SGCD: variants seen among roughly 807,000 people sequenced by gnomAD.
The protein encoded by SGCD is sarcoglycan delta, also known as delta-sarcoglycan.
SGCD carries 18 observed loss-of-function variants against 36.6 expected under a neutral mutation model. The ratio of observed to expected loss-of-function variants is 0.49; its 90% CI spans 0.34 to 0.73. The LOEUF (loss-of-function observed/expected upper bound fraction) is 0.73, where lower values mean the gene tolerates loss of function less well. Ranked by LOEUF, SGCD falls within the 30% of genes least tolerant of loss-of-function variation. The pLI, the probability that SGCD is intolerant of heterozygous loss-of-function variation, is 0.01. For synonymous variants in SGCD, 133 were observed against 130.6 expected (o/e 1.02, Z -0.12); for missense variants, 387 against 346.7 (o/e 1.12, Z -0.92).
chr5:156,557,340 A>G (rs2113225410), intron 4 of SGCD, among the ~76,000 whole-genome samples: 1 of 152,256 alleles, frequency 6.6e-6, no homozygotes. Flanking sequence ...GGATCAGAAA[A>G]TGATTTGATT....
rs557777049 is a variant in SGCD at position 155,995,829 on chromosome 5, A to C, written c.-281-122049A>C. Among the ~76,000 whole-genome samples, 7 of 152,196 alleles carry C rather than the reference A, an allele frequency of 4.6e-5. No homozygotes were observed. In the South Asian group the frequency reaches 1.2e-3, roughly 27 times the overall value. On this transcript the variant is annotated intron_variant, in intron 1 of 9. Coordinates refer to the SGCD transcript ENST00000517913. ...AAAAATGGAATAGAGATGGCCCCCG[A>C]GTGAGGAAAAAGTTGCCTGGAAAAT...
the SGCD span, among the ~76,000 whole-genome samples, chr5:155,739,542 T>A: frequency 2.6e-4 from 40 of 152,242 alleles, no homozygotes; most frequent in African/African-American, 7.0e-4. Flanking sequence ...AAGAAAGCTC[T>A]ATGGCTGTTG....
At chr5:156,383,660 G>T (rs573679431) in intron 3 of SGCD, among the ~76,000 whole-genome samples, 1 of 152,254 alleles carries the variant, frequency 6.6e-6, no homozygotes, top group South Asian at 2.1e-4. Flanking sequence ...AATTTGACTG[G>T]AAACTAAAGT....
rs1487345113 is a variant in SGCD at position 156,764,465 on chromosome 5, T to G, written c.*5075T>G. 1 of 152,608 alleles carries G rather than the reference T, an allele frequency of 6.6e-6. No individual in the cohort carries two copies. The highest frequency in any genetic ancestry group is 6.5e-5 in the Admixed American group (1 of 15,276). The allele number at this position is 152,608 out of a possible 1,614,324, so 9.5% of individuals were successfully genotyped here. ...GCTCGCACTTTCAAAAGCAATGTGA[T>G]TTCTATGGTTCTTAAAAGCTTTCTT... is the stretch of plus-strand genomic sequence containing the variant. On this transcript the variant is annotated 3_prime_UTR_variant, in exon 9 of 9. Coordinates refer to ENST00000337851, the MANE Select transcript of SGCD (RefSeq NM_000337.6).
intron 3 of SGCD, among the ~76,000 whole-genome samples, chr5:156,302,332 T>G (rs1767076349): frequency 6.6e-6 from 1 of 152,060 alleles, no homozygotes; most frequent in Non-Finnish European, 1.5e-5. Flanking sequence ...CAATTGAATT[T>G]TTCAGCTCCA....
intron 3 of SGCD, among the ~76,000 whole-genome samples, chr5:156,465,010 G>A (rs143522426): frequency 1.3e-5 from 2 of 152,216 alleles, no homozygotes; most frequent in Non-Finnish European, 2.9e-5. Context: ...TCTCTTAGAA[G>A]CAAATTTTCC....
At chr5:156,283,997 A>G (rs1766526929) in intron 3 of SGCD, among the ~76,000 whole-genome samples, 1 of 152,182 alleles carries the variant, frequency 6.6e-6, no homozygotes, top group African/African-American at 2.4e-5. Context: ...GTACATGGGT[A>G]ACTTCTTAGG....
intron 6 of SGCD, among the ~76,000 whole-genome samples, chr5:156,640,278 A>G (rs1762980914): frequency 6.6e-6 from 1 of 151,976 alleles, no homozygotes; most frequent in Admixed American, 6.6e-5. Flanking sequence ...ATAGCTGTTT[A>G]TATATCTATA....
intron 3 of SGCD, among the ~76,000 whole-genome samples, chr5:156,466,378 A>G (rs1391558801): frequency 1.3e-5 from 2 of 152,202 alleles, no homozygotes; most frequent in Admixed American, 1.3e-4. Context: ...AACACTGATT[A>G]AACTACCTAC....
intron 1 of SGCD, among the ~76,000 whole-genome samples, chr5:156,045,480 G>A (rs1759741237): frequency 6.6e-6 from 1 of 152,106 alleles, no homozygotes. Context: ...GCGTAAATCA[G>A]TATTCAATGC....
In SGCD at chr5:156,285,616, G is replaced by A. The variant is rs190704414; in HGVS notation, c.-43-43918G>A. On this transcript the variant is annotated intron_variant, in intron 3 of 9. Transcript: ENST00000517913. ...TAAATGGTACTGGGAAAACTGGCTAGCCATATGTAGAAAGCTGAAACTGGA... is the reference window on the plus strand; with the variant it reads ...TAAATGGTACTGGGAAAACTGGCTAACCATATGTAGAAAGCTGAAACTGGA... Among the ~76,000 whole-genome samples, 1,106 of 152,280 alleles carry A rather than the reference G, an allele frequency of 7.3e-3. 11 individuals carry two copies. Among genetic ancestry groups the A allele is most frequent in the Non-Finnish European group, 0.01 (692 of 68,022 alleles).
At chr5:156,229,366 G>A (rs1417849368) in intron 3 of SGCD, among the ~76,000 whole-genome samples, 1 of 142,732 alleles carries the variant, frequency 7.0e-6, no homozygotes, top group Non-Finnish European at 1.5e-5. Context: ...CTTGGTAGTG[G>A]TGAATTCTCT....
chr5:155,928,600 G>A lies in SGCD; in HGVS notation c.-282+58176G>A, dbSNP rs143049490. ...GGAGAATGGCTTGAACCCGGGAGGC[G>A]GAGATTTCAGTGAGCCGAGATCGCA... On this transcript the variant is annotated intron_variant, in intron 1 of 9. Coordinates refer to the SGCD transcript ENST00000517913. Among the ~76,000 whole-genome samples the A allele has an allele frequency of 3.4e-5, 5 of 149,126 alleles. No individual in the cohort carries two copies. In the East Asian group the frequency reaches 6.0e-4, roughly 18 times the overall value.
intron 3 of SGCD, among the ~76,000 whole-genome samples, chr5:156,506,403 G>A (rs1026892220): frequency 3.9e-5 from 6 of 151,982 alleles, no homozygotes; most frequent in Admixed American, 2.0e-4. Flanking sequence ...TTCCAGTTCC[G>A]TCCGCAGAAA....
rs200925678 is a variant in SGCD, at chr5:155,894,621, T to G, written c.-282+24197T>G. On this transcript the variant is annotated intron_variant, in intron 1 of 9. Transcript: ENST00000517913. ...ATTACCGCCTGAGCTCTGCCTCCTG[T>G]CAGATCAGATCAGTGGTGGCATTAG... Among the ~76,000 whole-genome samples, 10 of 152,282 alleles carry G rather than the reference T, an allele frequency of 6.6e-5. No homozygotes were observed. In the East Asian group the frequency reaches 1.9e-3, roughly 29 times the overall value.
intron 1 of SGCD, among the ~76,000 whole-genome samples, chr5:156,024,574 A>C (rs1361299367): frequency 6.6e-6 from 1 of 152,132 alleles, no homozygotes; most frequent in Non-Finnish European, 1.5e-5. Context: ...CCGAGAATTC[A>C]AAATGCTCCA....
rs180920810 is a variant in SGCD, at chr5:156,251,808, C to G, written c.-43-77726C>G. 5.7e-4 allele frequency among the ~76,000 whole-genome samples: 86 copies of G among 152,190 alleles called. 1 individual carries two copies. The highest frequency in any genetic ancestry group is 3.5e-3 in the East Asian group (18 of 5,156). On this transcript the variant is annotated intron_variant, in intron 3 of 9. Transcript: ENST00000517913. ...GGATTACAGGCATGAGCCACTGTGC[C>G]CGGCCTATACTACGTTTTAAAACTC...
rs1374200677 is a variant in SGCD, at chr5:156,763,631, G to A, written c.*4241G>A. 1.3e-5 allele frequency: 2 copies of A among 152,004 alleles called. No individual in the cohort carries two copies. Among genetic ancestry groups the A allele is most frequent in the East Asian group, 1.9e-4 (1 of 5,184 alleles). The allele number at this position is 152,004 out of a possible 1,614,324, so 9.4% of individuals were successfully genotyped here. A position where few individuals can be genotyped will look rare whatever the true frequency, so the allele number is the denominator to read the frequency against. ...AAGACATATTCTGACATCTCTGCTT[G>A]TGTGTGGTAAGGCAGGTTCCTATCA... is the stretch of plus-strand genomic sequence containing the variant. On this transcript the variant is annotated 3_prime_UTR_variant, in exon 9 of 9. Transcript: ENST00000337851.
At chr5:155,995,832 GA>G (rs1324171681) in intron 1 of SGCD, among the ~76,000 whole-genome samples, 7 of 152,032 alleles carry the variant, frequency 4.6e-5, no homozygotes, top group Admixed American at 6.6e-5. Context: ...GCCCCCGAGT[GA>G]GGAAAAAGTT....
Sources: allele counts gnomAD v4.1 joint callset (sites outside exome capture counted in the v4.1 genomes callset), GRCh38; gene constraint gnomAD v4.1.1; transcripts MANE v1.5; gene names NCBI Gene and HGNC (gene_info 2026-07-23, HGNC 2026-07-21).